CHD9: variants seen among roughly 807,000 people sequenced by gnomAD.
CHD9 encodes the protein chromodomain helicase DNA binding protein 9.
Under a neutral mutation model 316.1 loss-of-function variants are expected in CHD9, and 77 were observed. The observed-to-expected ratio is 0.24, with a 90% confidence interval of 0.20 to 0.29. The LOEUF (loss-of-function observed/expected upper bound fraction) is 0.29. Ranked by LOEUF, CHD9 falls within the 10% of genes least tolerant of loss-of-function variation. The probability of loss-of-function intolerance (pLI) is 1.00; values close to 1 mark genes in which losing one functional copy is unlikely to be tolerated. For missense variants in CHD9, 2,763 were observed against 3,438.1 expected (o/e 0.80, Z 4.91); for synonymous variants, 1,129 against 1,158.3 (o/e 0.97, Z 0.51).
At position 53,324,996 on chromosome 16, in the gene CHD9, C is replaced by T. The variant is rs1473757643; in HGVS notation, c.*101C>T. ...TTGAGTGCATCAATAACTTACTGAC[C>T]GAACATTTCAGTTATTTGTTTAGAA... On this transcript the variant is annotated 3_prime_UTR_variant, in exon 39 of 39. Transcript: ENST00000447540. 4.1e-6 allele frequency: 4 copies of T among 984,816 alleles called. No individual in the cohort carries two copies. Among genetic ancestry groups the T allele is most frequent in the African/African-American group, 3.3e-5 (2 of 60,966 alleles). The allele number at this position is 984,816 out of a possible 1,614,324, so 61.0% of individuals were successfully genotyped here.
chr16:53,175,322 G>C (rs1225732477), intron 2 of CHD9, among the ~76,000 whole-genome samples: 1 of 152,206 alleles, frequency 6.6e-6, no homozygotes, highest in African/African-American at 2.4e-5. Context: ...GAGCCTGCCA[G>C]ATTTTACCTG....
intron 1 of CHD9, among the ~76,000 whole-genome samples, chr16:53,063,237 G>A (rs2033120725): frequency 1.3e-5 from 2 of 152,000 alleles, no homozygotes; most frequent in South Asian, 4.1e-4. Context: ...CAGGCATAGA[G>A]AAGTTAAATA....
intron 24 of CHD9, among the ~76,000 whole-genome samples, chr16:53,277,721 C>T (rs2052994273): frequency 1.3e-5 from 2 of 152,170 alleles, no homozygotes; most frequent in African/African-American, 4.8e-5. Flanking sequence ...TGCCCACTCT[C>T]ACCACTTCTG....
chr16:53,318,177 G>T, intron 36 of CHD9, 35 bp from the exon 37 acceptor site: 1 of 1,564,756 alleles, frequency 6.4e-7, no homozygotes, highest in South Asian at 1.2e-5. Context: ...CACAGTTAAA[G>T]ACTTTAAAGA....
intron 1 of CHD9, among the ~76,000 whole-genome samples, chr16:53,089,675 T>G (rs1407164074): frequency 6.6e-6 from 1 of 152,158 alleles, no homozygotes; most frequent in African/African-American, 2.4e-5. Flanking sequence ...GACTGGAAAC[T>G]AGGACATTTA....
chr16:53,151,672 G>C (rs1432308833), intron 1 of CHD9, among the ~76,000 whole-genome samples: 1 of 152,116 alleles, frequency 6.6e-6, no homozygotes, highest in African/African-American at 2.4e-5. Flanking sequence ...ATCTCCTGTT[G>C]AACAACGATA....
chr16:53,141,593 C>T (rs2040112807), intron 1 of CHD9, among the ~76,000 whole-genome samples: 1 of 152,072 alleles, frequency 6.6e-6, no homozygotes, highest in South Asian at 2.1e-4. Context: ...GAGGAGTTTA[C>T]TTATTTGTTT....
rs567406498 is a variant in CHD9 at position 53,058,783 on chromosome 16, C to A, written c.-165+3706C>A. Among the ~76,000 whole-genome samples the A allele has an allele frequency of 7.2e-5, 11 of 152,296 alleles. No individual in the cohort carries two copies. The South Asian group carries it at 1.5e-3, about 20-fold the overall frequency. On this transcript the variant is annotated intron_variant, in intron 1 of 38. Coordinates refer to ENST00000447540, the MANE Select transcript of CHD9 (RefSeq NM_001308319.2). ...CACTGCTGGTAAGCAGCAACACCCC[C>A]CACCCTCCAACTTAATCTAATGTTG...
At chr16:53,057,530 C>T (rs533072074) in intron 1 of CHD9, among the ~76,000 whole-genome samples, 4 of 151,432 alleles carry the variant, frequency 2.6e-5, no homozygotes, top group Non-Finnish European at 4.4e-5. Flanking sequence ...GGCAAGAGCC[C>T]GTAATCCCAG....
chr16:53,139,982 C>G (rs145812095), intron 1 of CHD9, among the ~76,000 whole-genome samples: 197 of 151,488 alleles, frequency 1.3e-3, no homozygotes, highest in African/African-American at 4.6e-3. Context: ...ACCTGTAGTT[C>G]CAGCTACTCG....
rs1433226579 is a variant in CHD9, at chr16:53,314,904, G to C, written c.7444G>C (p.Asp2482His). The change falls in exon 36 of 39, where the codon GAT becomes CAT. Residue 2482 changes from aspartate (D) to histidine (H), a missense_variant. Physicochemically the swap from Asp to His is moderately conservative, Grantham distance 81. This residue lies in a region of CHD9 where 663 missense variants were observed against 751.2 expected (regional missense o/e 0.88). Coordinates refer to ENST00000447540, the MANE Select transcript of CHD9 (RefSeq NM_001308319.2). ...CTATACTCAACCTCAAGGAATTCCTGATACAGAAAGTCCAGTTCCAGTTAT... is the reference window on the plus strand; with the variant it reads ...CTATACTCAACCTCAAGGAATTCCTCATACAGAAAGTCCAGTTCCAGTTAT... ...LSYTQPQGIP[D>H]TESPVPVINL... is the part of the protein sequence containing the mutation. The C allele has an allele frequency of 6.2e-7, 1 of 1,613,736 alleles. No individual in the cohort carries two copies. The highest frequency in any genetic ancestry group is 1.3e-5 in the African/African-American group (1 of 75,008).
chr16:53,287,092 G>A (rs889299056), intron 26 of CHD9, among the ~76,000 whole-genome samples: 17 of 152,004 alleles, frequency 1.1e-4, no homozygotes, highest in African/African-American at 4.1e-4. Context: ...CTGAGTATCT[G>A]GGACCACAGG....
At chr16:53,295,550 C>G (rs1410111151) in intron 29 of CHD9, among the ~76,000 whole-genome samples, 1 of 152,108 alleles carries the variant, frequency 6.6e-6, no homozygotes, top group East Asian at 1.9e-4. Context: ...TGAAATTCAT[C>G]TTTTCCTTTC....
At chr16:53,227,351 C>A in intron 5 of CHD9, 45 bp from the exon 6 acceptor site, 1 of 1,313,632 alleles carries the variant, frequency 7.6e-7, no homozygotes, top group Non-Finnish European at 1.1e-6. Context: ...ACTAAAAGAT[C>A]TTTCAGAATG....
Position 53,274,195 on chromosome 16 carries a change from A to AT in CHD9, c.4878-14dup, listed in dbSNP as rs772835564. The AT allele has an allele frequency of 6.6e-7, 1 of 1,520,834 alleles. No homozygotes were observed. The allele number at this position is 1,520,834 out of a possible 1,614,324, so 94.2% of individuals were successfully genotyped here. On this transcript the variant is annotated splice_polypyrimidine_tract_variant and intron_variant, in intron 23 of 38. Coordinates refer to ENST00000447540, the MANE Select transcript of CHD9 (RefSeq NM_001308319.2). ...ATGAATGTCTTTATGCCTTTGATTT[A>AT]TTTTCCCTTGTTTTTAGGGTTTTGC... is the stretch of plus-strand genomic sequence containing the variant.
chr16:53,138,827 A>G (rs980636876), intron 1 of CHD9, among the ~76,000 whole-genome samples: 21 of 152,238 alleles, frequency 1.4e-4, no homozygotes, highest in Non-Finnish European at 1.0e-4. Context: ...TATTTAGAAA[A>G]TGGAGGCAAC....
chr16:53,157,129 G>A lies in CHD9; in HGVS notation c.1040G>A (p.Gly347Asp), dbSNP rs370289002. Residue 347 changes from glycine (G) to aspartate (D), a missense_variant, in exon 2 of 39, where the codon GGT becomes GAT. Transcript: ENST00000447540. ...FQILHSSHPQ[G>D]NYSNSKLSPV... ...ATATTGCATTCATCACATCCTCAGG[G>A]TAATTATAGCAATTCAAAATTATCT... is the stretch of plus-strand genomic sequence containing the variant. The A allele has an allele frequency of 3.7e-6, 6 of 1,610,308 alleles. No individual in the cohort carries two copies. The African/African-American group carries it at 8.0e-5, about 21-fold the overall frequency.
intron 1 of CHD9, among the ~76,000 whole-genome samples, chr16:53,077,438 C>G (rs11859867): frequency 0.6 from 91,538 of 151,672 alleles, 28,518 homozygotes; most frequent in Non-Finnish European, 0.68. Context: ...ATTCTCCCAC[C>G]TCAGCTTCCT....
rs904115676 is a variant in CHD9 at position 53,143,536 on chromosome 16, C to T, written c.-164-12390C>T. 5.9e-5 allele frequency among the ~76,000 whole-genome samples: 9 copies of T among 151,954 alleles called. No homozygotes were observed. In the Middle Eastern group the frequency reaches 0.017, roughly 289 times the overall value. ...CCCAGTAGCTGGAACTACAGGCACC[C>T]GCCACCATGCCTGGCTAATTTTTTG... On this transcript the variant is annotated intron_variant, in intron 1 of 38. Transcript: ENST00000447540.
Sources: allele counts gnomAD v4.1 joint callset (sites outside exome capture counted in the v4.1 genomes callset), GRCh38; gene constraint gnomAD v4.1.1; regional missense constraint gnomAD v4.1.1; transcripts MANE v1.5; gene names NCBI Gene and HGNC (gene_info 2026-07-23, HGNC 2026-07-21).